The following POU6F2 variants were observed in gnomAD, a reference collection of about 807,000 sequenced individuals.
POU6F2 encodes POU class 6 homeobox 2.
In POU6F2, 31 loss-of-function variants were observed where a neutral mutation model predicts 71.3. The ratio of observed to expected loss-of-function variants is 0.43; its 90% CI spans 0.33 to 0.59. The LOEUF is 0.59. Ranked by LOEUF, POU6F2 falls within the 20% of genes least tolerant of loss-of-function variation. The probability of loss-of-function intolerance (pLI) is 0.04; values close to 1 mark genes in which losing one functional copy is unlikely to be tolerated. For synonymous variants in POU6F2, 347 were observed against 355.7 expected (o/e 0.98, Z 0.27); for missense variants, 783 against 856.8 (o/e 0.91, Z 1.07).
chr7:39,095,728 A>G (rs183239170), intron 2 of POU6F2, among the ~76,000 whole-genome samples: 6 of 152,312 alleles, frequency 3.9e-5, no homozygotes, highest in African/African-American at 1.4e-4. Context: ...TTGACCAGGA[A>G]CATCATTAAA....
At chr7:39,099,712 G>T (rs542039323) in intron 2 of POU6F2, among the ~76,000 whole-genome samples, 1 of 152,264 alleles carries the variant, frequency 6.6e-6, no homozygotes, top group African/African-American at 2.4e-5. Context: ...ATACCTATCT[G>T]ATGGGATGTT....
intron 4 of POU6F2, among the ~76,000 whole-genome samples, chr7:39,230,076 G>A (rs1794546924): frequency 6.6e-6 from 1 of 152,204 alleles, no homozygotes; most frequent in African/African-American, 2.4e-5. Flanking sequence ...GTTTGAACTT[G>A]GGCTGTCTGG....
chr7:39,090,087 A>G (rs1791334226), intron 2 of POU6F2, among the ~76,000 whole-genome samples: 1 of 151,912 alleles, frequency 6.6e-6, no homozygotes, highest in Non-Finnish European at 1.5e-5. Context: ...CTCTTCTGAT[A>G]TTGTGCTTTC....
intron 7 of POU6F2, among the ~76,000 whole-genome samples, chr7:39,442,654 G>T (rs568008335): frequency 2.0e-4 from 31 of 152,188 alleles, no homozygotes; most frequent in African/African-American, 7.2e-4. Flanking sequence ...ATAAGGCAAG[G>T]TTCTCTATCT....
Position 39,081,939 on chromosome 7 carries a change from G to A in POU6F2, c.106-3921G>A, listed in dbSNP as rs1425170858. On this transcript the variant is annotated intron_variant, in intron 1 of 9. Transcript: ENST00000518318. ...TTTGAAAATGCAGCTTTACCACTTA[G>A]CTGCGTGCCTTTGGGGCAAGAAATT... 3.9e-5 allele frequency among the ~76,000 whole-genome samples: 6 copies of A among 152,182 alleles called. No homozygotes were observed. The South Asian group carries it at 1.2e-3, about 32-fold the overall frequency.
At position 39,340,019 on chromosome 7, in the gene POU6F2, T is replaced by C; in HGVS notation, c.972+4T>C. On this transcript the variant is annotated splice_donor_region_variant and intron_variant, in intron 5 of 9. Coordinates refer to ENST00000518318, the MANE Select transcript of POU6F2 (RefSeq NM_001370959.1). ...CACGCCACCCAATCCTCTACAGGTA[T>C]GCTCCCCGTGCTTCCCGTCTGCCCC... 4 of 1,593,606 alleles carry C rather than the reference T, an allele frequency of 2.5e-6. No homozygotes were observed. The highest frequency in any genetic ancestry group is 3.4e-6 in the Non-Finnish European group (4 of 1,165,476).
intron 2 of POU6F2, among the ~76,000 whole-genome samples, chr7:39,124,332 A>G (rs1453890256): frequency 6.6e-6 from 1 of 152,324 alleles, no homozygotes; most frequent in East Asian, 1.9e-4. Context: ...GGCATAAGCC[A>G]CCGCACCCAG....
intron 5 of POU6F2, among the ~76,000 whole-genome samples, chr7:39,398,291 T>A (rs1787220327): frequency 6.6e-6 from 1 of 151,370 alleles, no homozygotes; most frequent in South Asian, 2.1e-4. Flanking sequence ...AATAATATAA[T>A]ATCAGACTCT....
At chr7:39,248,174 AT>A (rs1222785783) in intron 4 of POU6F2, among the ~76,000 whole-genome samples, 1 of 152,180 alleles carries the variant, frequency 6.6e-6, no homozygotes, top group Non-Finnish European at 1.5e-5. Flanking sequence ...GTTAAGAGAT[AT>A]TGTTGACATT....
At chr7:39,340,891 C>T (rs1366929012) in intron 5 of POU6F2, among the ~76,000 whole-genome samples, 2 of 152,152 alleles carry the variant, frequency 1.3e-5, no homozygotes, top group Non-Finnish European at 2.9e-5. Context: ...CTCAGCCAAG[C>T]CATCCATTCT....
intron 2 of POU6F2, among the ~76,000 whole-genome samples, chr7:39,151,695 T>C (rs546105717): frequency 3.9e-5 from 6 of 152,288 alleles, no homozygotes; most frequent in Admixed American, 3.3e-4. Context: ...TCTGAAATGA[T>C]TAGATTCATT....
intron 1 of POU6F2, among the ~76,000 whole-genome samples, chr7:39,005,636 G>GT (rs66535734): frequency 0.99 from 150,325 of 151,868 alleles, 74,418 homozygotes; most frequent in South Asian, 1. Context: ...TTTAGTTTTT[G>GT]TTTTTTTCAC....
chr7:39,051,806 T>C (rs2128714034), intron 1 of POU6F2, among the ~76,000 whole-genome samples: 1 of 152,278 alleles, frequency 6.6e-6, no homozygotes, highest in South Asian at 2.1e-4. Flanking sequence ...AGTGTTTGAC[T>C]CTAGATCCTT....
At chr7:39,151,701 T>C (rs900219853) in intron 2 of POU6F2, among the ~76,000 whole-genome samples, 2 of 152,196 alleles carry the variant, frequency 1.3e-5, no homozygotes, top group Non-Finnish European at 2.9e-5. Flanking sequence ...ATGATTAGAT[T>C]CATTAATTTC....
chr7:39,016,047 T>TAGA (rs1554308227), intron 1 of POU6F2, among the ~76,000 whole-genome samples: 13 of 56,770 alleles, frequency 2.3e-4, no homozygotes, highest in African/African-American at 8.0e-4. Context: ...ATATTATATA[T>TAGA]TATATATATT....
intron 6 of POU6F2, among the ~76,000 whole-genome samples, chr7:39,421,799 T>C (rs1388604728): frequency 6.6e-6 from 1 of 152,180 alleles, no homozygotes. Context: ...TTTAGGAATG[T>C]TTACTAAAGC....
intron 1 of POU6F2, among the ~76,000 whole-genome samples, chr7:39,077,514 T>C (rs138178105): frequency 2.6e-5 from 4 of 152,324 alleles, no homozygotes; most frequent in African/African-American, 9.6e-5. Context: ...GCATCTGTTT[T>C]CATTATCAAT....
chr7:39,005,416 G>A (rs1584492506), intron 1 of POU6F2, among the ~76,000 whole-genome samples: 1 of 151,812 alleles, frequency 6.6e-6, no homozygotes, highest in African/African-American at 2.4e-5. Context: ...CACAAAAGCA[G>A]TAGGAAAACG....
intron 5 of POU6F2, among the ~76,000 whole-genome samples, chr7:39,378,603 TAGTTTCTG>T (rs1786757906): frequency 6.6e-6 from 1 of 152,184 alleles, no homozygotes; most frequent in Non-Finnish European, 1.5e-5. Flanking sequence ...CACTGATTGC[TAGTTTCTG>T]CTTCTGAAAA....
Sources: allele counts gnomAD v4.1 joint callset (sites outside exome capture counted in the v4.1 genomes callset), GRCh38; gene constraint gnomAD v4.1.1; transcripts MANE v1.5; gene names NCBI Gene and HGNC (gene_info 2026-07-23, HGNC 2026-07-21).